Variants in MYH9 observed in about 807,000 individuals in gnomAD.
MYH9 encodes the protein myosin heavy chain 9.
A neutral mutation model predicts 241.9 loss-of-function variants in MYH9; 29 were observed. The observed-to-expected ratio is 0.12, with a 90% confidence interval of 0.09 to 0.16. The LOEUF is 0.16. Among genes scored for constraint, MYH9 ranks in the 10% least tolerant of loss-of-function variants. MYH9 has a pLI of 1.00. For missense variants in MYH9, 1,803 were observed against 2,595.5 expected (o/e 0.69, Z 6.63); for synonymous variants, 1,047 against 1,062.6 (o/e 0.99, Z 0.29).
At position 36,349,261 on chromosome 22, in the gene MYH9, C is replaced by T. The variant is rs539995320; in HGVS notation, c.-19-6G>A. The T allele has an allele frequency of 2.0e-5, 32 of 1,608,178 alleles. No individual in the cohort carries two copies. Among genetic ancestry groups the T allele is most frequent in the Middle Eastern group, 1.7e-4 (1 of 6,046 alleles). On this transcript the variant is annotated splice_polypyrimidine_tract_variant and splice_region_variant and intron_variant, in intron 1 of 40. Transcript: ENST00000216181. ...TGGTGACTTATAGCCAGGACCTAAG[C>T]GGGGAGGAGAAGGACAACACATTAC...
chr22:36,327,362 G>T, intron 4 of MYH9, 99 bp downstream of exon 4: 1 of 1,410,178 alleles, frequency 7.1e-7, no homozygotes, highest in East Asian at 2.3e-5. Context: ...TTGGGAATGG[G>T]GGACTCTGCA....
intron 1 of MYH9, among the ~76,000 whole-genome samples, chr22:36,384,598 A>T (rs2018311026): frequency 2.2e-5 from 1 of 44,944 alleles, no homozygotes; most frequent in African/African-American, 7.3e-5. Flanking sequence ...AAAAAAAAAA[A>T]AAAAAAAAAA....
At position 36,285,389 on chromosome 22, in the gene MYH9, C is replaced by A; in HGVS notation, c.5275-60G>T. 2 of 1,554,566 alleles carry A rather than the reference C, an allele frequency of 1.3e-6. No individual in the cohort carries two copies. Among genetic ancestry groups the A allele is most frequent in the South Asian group, 1.1e-5 (1 of 90,014 alleles). ...TGGGGCCCTGGCTGGAGGGCATGAG[C>A]AGGGCCAGAGGAAGGTGGCAGCAGG... On this transcript the variant is annotated intron_variant, in intron 37 of 40. Transcript: ENST00000216181. This position sits in a 1 kb window ranked among gnomAD's most constrained non-coding sequence, Gnocchi z 7.0.
At position 36,285,940 on chromosome 22, in the gene MYH9, G is replaced by A. The variant is rs558195536; in HGVS notation, c.5075C>T (p.Ala1692Val). 1.2e-5 allele frequency: 20 copies of A among 1,610,206 alleles called. No individual in the cohort carries two copies. The highest frequency in any genetic ancestry group is 1.7e-4 in the Middle Eastern group (1 of 6,038). ...CTGGGCCTGGCGCTTGGCACGCTCC[G>A]CGGCTGCCAGTTCCTGCCACAAAGA... ...MIQLQEELAAAERAKRQAQQE... is the reference protein window; with the variant it reads ...MIQLQEELAAVERAKRQAQQE... The change falls in exon 36 of 41, where the codon GCG (alanine) becomes GTG (valine). Residue 1692 changes from alanine (A) to valine (V), a missense_variant. Coordinates refer to ENST00000216181, the MANE Select transcript of MYH9 (RefSeq NM_002473.6). This position sits in a 1 kb window ranked among gnomAD's most constrained non-coding sequence, Gnocchi z 7.0.
chr22:36,318,257 G>A lies in MYH9; in HGVS notation c.1177C>T (p.Arg393Cys), dbSNP rs1156464508. The A allele has an allele frequency of 4.3e-6, 7 of 1,613,706 alleles. No individual in the cohort carries two copies. The highest frequency in any genetic ancestry group is 2.2e-5 in the East Asian group (1 of 44,902). Reference protein sequence around the residue: ...TDFTRGILTPRIKVGRDYVQK... With the variant: ...TDFTRGILTPCIKVGRDYVQK... ...ACGTAATCCCGTCCCACCTTGATGC[G>A]CGGGGTGAGGATTCCTCTGGTGAAA... The change falls in exon 11 of 41, where the codon CGC (arginine) becomes TGC (cysteine). Residue 393 changes from arginine (R) to cysteine (C), a missense_variant. Physicochemically the swap from Arg to Cys is radical, Grantham distance 180. Transcript: ENST00000216181.
chr22:36,339,606 TGGA>T (rs1163879533), intron 3 of MYH9, among the ~76,000 whole-genome samples: 1 of 152,156 alleles, frequency 6.6e-6, no homozygotes, highest in Non-Finnish European at 1.5e-5. Flanking sequence ...GCGTGGGTGG[TGGA>T]GGACAGGCTG....
chr22:36,369,616 C>T (rs2018061533), intron 1 of MYH9, among the ~76,000 whole-genome samples: 1 of 152,220 alleles, frequency 6.6e-6, no homozygotes, highest in Non-Finnish European at 1.5e-5. Flanking sequence ...TAGGATGGAA[C>T]AGGGAGGGCT....
rs771591274 is a variant in MYH9, at chr22:36,292,131, C to T, written c.4199G>A (p.Arg1400Gln). The T allele has an allele frequency of 5.0e-6, 8 of 1,614,070 alleles. No individual in the cohort carries two copies. The highest frequency in any genetic ancestry group is 3.3e-5 in the South Asian group (3 of 91,092). ...LQKDLEGLSQ[R>Q]HEEKVAAYDK... ...GTAGGCGGCCACCTTCTCCTCGTGC[C>T]GCTGGCTCAGGCCCTCCAGGTCCTT... The change falls in exon 31 of 41, where the codon CGG becomes CAG. Residue 1400 changes from arginine (R) to glutamine (Q), a missense_variant. Arg to Gln is a conservative substitution (Grantham distance 43). Transcript: ENST00000216181.
chr22:36,320,758 C>T lies in MYH9; in HGVS notation c.868+40G>A. ...TCCAATTCTGGCAAGAGGCCCAGAG[C>T]CCGGCAGCCCCGGTGTCAGGCTGCA... On this transcript the variant is annotated intron_variant, in intron 8 of 40. Coordinates refer to ENST00000216181, the MANE Select transcript of MYH9 (RefSeq NM_002473.6). The surrounding 1 kb of genome is among the most constrained non-coding windows in gnomAD (Gnocchi z 4.8). 1 of 1,536,962 alleles carries T rather than the reference C, an allele frequency of 6.5e-7. No individual in the cohort carries two copies. The highest frequency in any genetic ancestry group is 9.0e-7 in the Non-Finnish European group (1 of 1,111,502).
In MYH9 at chr22:36,373,564, A is replaced by G. The variant is rs147695619; in HGVS notation, c.-20+14243T>C. Among the ~76,000 whole-genome samples, 848 of 152,300 alleles carry G rather than the reference A, an allele frequency of 5.6e-3. 11 individuals carry two copies. The highest frequency in any genetic ancestry group is 0.02 in the African/African-American group (811 of 41,554). ...CGGCTGGAATTGACTGGAATTGGGC[A>G]TCCAAGCAGCCCCCACCTCCTCAGC... On this transcript the variant is annotated intron_variant, in intron 1 of 40. Transcript: ENST00000216181.
intron 2 of MYH9, among the ~76,000 whole-genome samples, chr22:36,344,217 GC>G (rs1043716585): frequency 6.6e-6 from 1 of 152,250 alleles, no homozygotes; most frequent in Non-Finnish European, 1.5e-5. Flanking sequence ...AAGCGGCTTC[GC>G]GCCCACGCGG....
intron 2 of MYH9, among the ~76,000 whole-genome samples, chr22:36,348,504 G>A (rs1256711221): frequency 4.8e-5 from 3 of 62,054 alleles, no homozygotes; most frequent in African/African-American, 1.2e-4. Context: ...GCAAGACTCC[G>A]TCTCAAAAAA....
In MYH9 at chr22:36,282,763, C is replaced by T. The variant is rs142565774; in HGVS notation, c.5788G>A (p.Val1930Met). 66 of 1,612,270 alleles carry T rather than the reference C, an allele frequency of 4.1e-5. No homozygotes were observed. Among genetic ancestry groups the T allele is most frequent in the African/African-American group, 2.4e-4 (18 of 74,796 alleles). The change falls in exon 41 of 41, where the codon GTG becomes ATG. Residue 1930 changes from valine (V) to methionine (M), a missense_variant. Around this residue, in one of 11 missense-constraint regions of MYH9, gnomAD observed 876 missense variants for 1,077.8 expected, o/e 0.81. Coordinates refer to ENST00000216181, the MANE Select transcript of MYH9 (RefSeq NM_002473.6). Reference sequence around the variant, plus strand: ...CCTTTCCGGGCCATTCGGCGGGGCACGACAAACGGCAGGTCCCCGCGCCTG... The same window carrying T: ...CCTTTCCGGGCCATTCGGCGGGGCATGACAAACGGCAGGTCCCCGCGCCTG... ...KLRRGDLPFV[V>M]PRRMARKGAG...
rs2017217274 is a variant in MYH9 at position 36,319,594 on chromosome 22, T to C, written c.1054A>G (p.Ile352Val). 2 of 1,614,110 alleles carry C rather than the reference T, an allele frequency of 1.2e-6. No homozygotes were observed. The highest frequency in any genetic ancestry group is 2.2e-5 in the East Asian group (1 of 44,880). The change falls in exon 10 of 41, where the codon ATC (isoleucine) becomes GTC (valine). Residue 352 changes from isoleucine (I) to valine (V), a missense_variant. This residue lies in a region of MYH9 where 222 missense variants were observed against 359.9 expected (regional missense o/e 0.62). Transcript: ENST00000216181. ...GTGTTCCGCTCCTTCTTGAAGACGA[T>C]GTTGCCGAGCTGAAGAACCCCTGAG... Reference protein sequence around the residue: ...VISGVLQLGNIVFKKERNTDQ... With the variant: ...VISGVLQLGNVVFKKERNTDQ...
chr22:36,341,458 A>G lies in MYH9; in HGVS notation c.402T>C (p.Ile134=). 1.2e-6 allele frequency: 2 copies of G among 1,614,186 alleles called. No homozygotes were observed. Among genetic ancestry groups the G allele is most frequent in the Non-Finnish European group, 1.7e-6 (2 of 1,180,034 alleles). ...TCTTCTTGCCCTTGTACATTTCCACAATCTCTTCAGAGTAGATGGGCAGGT... is the reference window on the plus strand; with the variant it reads ...TCTTCTTGCCCTTGTACATTTCCACGATCTCTTCAGAGTAGATGGGCAGGT... ...YKNLPIYSEE[I]VEMYKGKKRH... The change falls in exon 3 of 41, where the codon ATT becomes ATC. Residue 134 remains isoleucine (I), a synonymous_variant. Transcript: ENST00000216181.
At chr22:36,373,172 G>A (rs985983242) in intron 1 of MYH9, among the ~76,000 whole-genome samples, 1 of 152,126 alleles carries the variant, frequency 6.6e-6, no homozygotes, top group African/African-American at 2.4e-5. Context: ...AAAGGCAGGG[G>A]CCTCAGCAGA....
chr22:36,315,874 C>T (rs558065703), intron 12 of MYH9, among the ~76,000 whole-genome samples: 4 of 145,828 alleles, frequency 2.7e-5, no homozygotes, highest in African/African-American at 9.9e-5. Flanking sequence ...CCCATCTCTA[C>T]AAAAAATTTA....
chr22:36,341,349 G>A (rs1198453052), intron 3 of MYH9, 21 bp downstream of exon 3: 2 of 1,612,916 alleles, frequency 1.2e-6, no homozygotes, highest in Admixed American at 1.7e-5. Flanking sequence ...GCCCCAGGTG[G>A]GCACACACTA....
chr22:36,318,820 G>A (rs141702732), intron 10 of MYH9, among the ~76,000 whole-genome samples: 43 of 152,022 alleles, frequency 2.8e-4, no homozygotes, highest in African/African-American at 1.0e-3. Flanking sequence ...CTGGAGTGCA[G>A]TGGCGCGATT....
Sources: allele counts gnomAD v4.1 joint callset (sites outside exome capture counted in the v4.1 genomes callset), GRCh38; gene constraint gnomAD v4.1.1; regional missense constraint gnomAD v4.1.1; non-coding constraint Gnocchi (gnomAD v3.1); transcripts MANE v1.5; gene names NCBI Gene and HGNC (gene_info 2026-07-23, HGNC 2026-07-21).